The following P4HA1 variants were observed in gnomAD, a reference collection of about 807,000 sequenced individuals.
P4HA1 encodes the protein prolyl 4-hydroxylase subunit alpha 1.
P4HA1 carries 24 observed loss-of-function variants against 72.8 expected under a neutral mutation model. The observed-to-expected ratio is 0.33, with a 90% CI of 0.24 to 0.46. The LOEUF (loss-of-function observed/expected upper bound fraction) is 0.46. P4HA1 is among the 20% of genes least tolerant of loss of function. The pLI, the probability that P4HA1 is intolerant of heterozygous loss-of-function variation, is 1.00. For missense variants in P4HA1, 446 were observed against 640.6 expected (o/e 0.70, Z 3.28); for synonymous variants, 201 against 218.8 (o/e 0.92, Z 0.72).
At chr10:73,081,597 C>T (rs1372545635) in intron 1 of P4HA1, among the ~76,000 whole-genome samples, 1 of 152,168 alleles carries the variant, frequency 6.6e-6, no homozygotes, top group Non-Finnish European at 1.5e-5. Context: ...TCCAGTCCCA[C>T]AGACTCAACA....
intron 5 of P4HA1, 24 bp from the exon 6 acceptor site, chr10:73,053,614 C>T (rs1841069209): frequency 1.2e-6 from 2 of 1,600,586 alleles, no homozygotes; most frequent in Non-Finnish European, 1.7e-6. Flanking sequence ...ATACAGAGAA[C>T]TTTAGGAATC....
In P4HA1 at chr10:73,068,420, A is replaced by G. The variant is rs1331159220; in HGVS notation, c.463+426T>C. Reference sequence around the variant, plus strand: ...AATAGGTCAGAAAGTAGGATGTTCCATACTATGGAACACTTTAAACATATG... The same window carrying G: ...AATAGGTCAGAAAGTAGGATGTTCCGTACTATGGAACACTTTAAACATATG... On this transcript the variant is annotated intron_variant, in intron 5 of 14. Transcript: ENST00000394890. Among the ~76,000 whole-genome samples, 3 of 152,226 alleles carry G rather than the reference A, an allele frequency of 2.0e-5. No homozygotes were observed. In the South Asian group the frequency reaches 6.2e-4, roughly 32 times the overall value.
At chr10:73,028,307 A>AAC (rs10561551) in intron 10 of P4HA1, among the ~76,000 whole-genome samples, 18,314 of 143,648 alleles carry the variant, frequency 0.13, 1,194 homozygotes, top group Non-Finnish European at 0.16. Context: ...GTCACTGTAA[A>AAC]ACACACACAC....
intron 6 of P4HA1, 88 bp downstream of exon 6, chr10:73,053,263 C>T (rs1464370258): frequency 4.0e-6 from 5 of 1,265,628 alleles, no homozygotes; most frequent in Non-Finnish European, 5.5e-6. Flanking sequence ...TAAGAAAATA[C>T]CATATATAAA....
chr10:73,039,589 G>A (rs1052344527), intron 9 of P4HA1, among the ~76,000 whole-genome samples: 6 of 152,210 alleles, frequency 3.9e-5, no homozygotes, highest in Non-Finnish European at 5.9e-5. Context: ...TTACAGGCGT[G>A]AGCCACCATG....
chr10:73,016,596 GCGAAAC>G (rs1451322369), intron 11 of P4HA1, among the ~76,000 whole-genome samples: 3 of 152,210 alleles, frequency 2.0e-5, no homozygotes, highest in Non-Finnish European at 4.4e-5. Flanking sequence ...GGCCAAAATG[GCGAAAC>G]CCTGTCGCTA....
intron 6 of P4HA1, among the ~76,000 whole-genome samples, chr10:73,051,780 C>T (rs904732955): frequency 2.6e-5 from 4 of 152,070 alleles, no homozygotes; most frequent in African/African-American, 9.7e-5. Flanking sequence ...GTTCTGGAGA[C>T]AGAAACAGCT....
chr10:73,070,822 C>T (rs1195825430), intron 4 of P4HA1, among the ~76,000 whole-genome samples: 1 of 152,014 alleles, frequency 6.6e-6, no homozygotes, highest in Non-Finnish European at 1.5e-5. Flanking sequence ...AACAAAGTGC[C>T]AAGGTTCACA....
intron 5 of P4HA1, among the ~76,000 whole-genome samples, chr10:73,062,921 C>G (rs1022885178): frequency 4.6e-5 from 7 of 152,098 alleles, no homozygotes; most frequent in Admixed American, 4.6e-4. Flanking sequence ...ACTGGAGGAT[C>G]ACATGACCCA....
chr10:73,091,458 C>T (rs1317973001), intron 1 of P4HA1, among the ~76,000 whole-genome samples: 2 of 152,052 alleles, frequency 1.3e-5, no homozygotes, highest in Non-Finnish European at 2.9e-5. Context: ...TGAGCCACCA[C>T]GCCTAGACTA....
intron 12 of P4HA1, among the ~76,000 whole-genome samples, chr10:73,012,741 G>A (rs183739719): frequency 2.7e-4 from 41 of 152,170 alleles, no homozygotes; most frequent in African/African-American, 9.6e-4. Flanking sequence ...CTAAGGAATG[G>A]AAAAAGTGAT....
At chr10:73,083,832 A>T (rs1437385013) in intron 1 of P4HA1, among the ~76,000 whole-genome samples, 2 of 152,220 alleles carry the variant, frequency 1.3e-5, no homozygotes, top group East Asian at 3.8e-4. Flanking sequence ...CAGGTTTTTT[A>T]AATTTAATAC....
intron 8 of P4HA1, among the ~76,000 whole-genome samples, chr10:73,046,242 T>A (rs971327770): frequency 2.0e-5 from 3 of 152,152 alleles, no homozygotes; most frequent in Admixed American, 2.0e-4. Flanking sequence ...TTCAACAATC[T>A]CTTTATGAAA....
At chr10:73,071,492 C>T (rs1005043649) in intron 4 of P4HA1, 4 of 152,048 alleles carry the variant, frequency 2.6e-5, no homozygotes, top group African/African-American at 4.8e-5. Flanking sequence ...TAATAAAGTC[C>T]AGATTTAGTC....
intron 1 of P4HA1, among the ~76,000 whole-genome samples, chr10:73,076,411 T>C (rs975538216): frequency 6.6e-6 from 1 of 151,548 alleles, no homozygotes; most frequent in Admixed American, 6.6e-5. Context: ...TAAACAGCCA[T>C]GTCCATTTAA....
rs555238517 is a variant in P4HA1, at chr10:73,080,738, C to T, written c.-32-5823G>A. On this transcript the variant is annotated intron_variant, in intron 1 of 14. Coordinates refer to ENST00000394890, the MANE Select transcript of P4HA1 (RefSeq NM_001017962.3). ...GGTCAGGAGTTTGAGACCAGCCTGG[C>T]TAACACAGTGAAACCCCGTCTCTAC... 3.3e-5 allele frequency among the ~76,000 whole-genome samples: 5 copies of T among 152,180 alleles called. No homozygotes were observed. In the East Asian group the frequency reaches 9.7e-4, roughly 29 times the overall value.
intron 9 of P4HA1, among the ~76,000 whole-genome samples, chr10:73,038,222 TC>T (rs1330493125): frequency 5.3e-5 from 8 of 152,062 alleles, no homozygotes; most frequent in Non-Finnish European, 1.2e-4. Flanking sequence ...GCCACTGCAC[TC>T]CAGCCTGGGC....
At chr10:73,093,882 AT>A (rs1842101512) in intron 1 of P4HA1, among the ~76,000 whole-genome samples, 6 of 67,840 alleles carry the variant, frequency 8.8e-5, no homozygotes, top group African/African-American at 4.8e-4. Context: ...AAATATATAT[AT>A]ATATATATAT....
intron 5 of P4HA1, among the ~76,000 whole-genome samples, chr10:73,058,763 T>C (rs1398546308): frequency 3.3e-5 from 5 of 151,410 alleles, no homozygotes; most frequent in Non-Finnish European, 7.4e-5. Flanking sequence ...CATAACAGTA[T>C]TTATAGTATG....
Sources: allele counts gnomAD v4.1 joint callset (sites outside exome capture counted in the v4.1 genomes callset), GRCh38; gene constraint gnomAD v4.1.1; transcripts MANE v1.5; gene names NCBI Gene and HGNC (gene_info 2026-07-23, HGNC 2026-07-21).